The following SPATC1 variants were observed in gnomAD, a reference collection of about 807,000 sequenced individuals.
SPATC1 encodes the protein spermatogenesis and centriole associated 1, also known as speriolin.
In SPATC1, 35 loss-of-function variants were observed where a neutral mutation model predicts 36.5. That is an observed-to-expected ratio of 0.96 (90% CI 0.73 to 1.27). SPATC1 has a LOEUF of 1.27. SPATC1 is among the 50% of genes most tolerant of loss of function. The pLI, the probability that SPATC1 is intolerant of heterozygous loss-of-function variation, is 0.00. For missense variants in SPATC1, 779 were observed against 796.0 expected, an observed-to-expected ratio of 0.98 and a Z score of 0.26; for synonymous variants, 361 against 353.6, an observed-to-expected ratio of 1.02 and a Z score of -0.24.
intron 1 of SPATC1, among the ~76,000 whole-genome samples, chr8:144,019,170 C>T (rs1834454209): frequency 6.6e-6 from 1 of 151,932 alleles, no homozygotes; most frequent in Non-Finnish European, 1.5e-5. Context: ...AGCCATCAAT[C>T]TCCTGCCTTC....
At chr8:144,018,734 T>C (rs1448561809) in intron 1 of SPATC1, among the ~76,000 whole-genome samples, 4 of 151,042 alleles carry the variant, frequency 2.6e-5, no homozygotes, top group African/African-American at 9.7e-5. Flanking sequence ...AGGTCTGAAA[T>C]AGAGTAAAAA....
chr8:144,011,119 C>T (rs185902901), upstream of SPATC1, among the ~76,000 whole-genome samples: 6 of 152,048 alleles, frequency 3.9e-5, no homozygotes, highest in Admixed American at 2.0e-4. This position sits in a 1 kb window ranked among gnomAD's most constrained non-coding sequence, Gnocchi z 4.5. Context: ...AACACCTGGA[C>T]ACTATAGCCT....
chr8:144,040,142 CT>C lies in SPATC1; in HGVS notation c.446del (p.Leu149GlnfsTer17). The C allele has an allele frequency of 6.2e-7, 1 of 1,609,194 alleles. No homozygotes were observed. The highest frequency in any genetic ancestry group is 1.3e-5 in the African/African-American group (1 of 74,972). ...CCTGACCAGTCCCATTGCGGGACCC[CT>C]AACAGGCACACTGGCCAGTTCCCTG... ...SFLTSPIAGPLTGTLASSLGL... is the reference protein window; with the variant it reads ...SFLTSPIAGPXTGTLASSLGL... On this transcript the variant is annotated frameshift_variant, in exon 2 of 5. Transcript: ENST00000377470. LOFTEE classifies it high-confidence loss of function.
intron 4 of SPATC1, among the ~76,000 whole-genome samples, chr8:144,042,311 A>ATTTTTTT (rs1184651892): frequency 2.9e-4 from 7 of 23,882 alleles, no homozygotes; most frequent in Admixed American, 7.0e-4. Flanking sequence ...ATATATATAT[A>ATTTTTTT]TTTTTTTTTT....
rs1466917388 is a variant in SPATC1, at chr8:144,045,383, C to T, written c.1447-1244C>T. ...AGGTTGACGTCACATTAACCGGGCCCGGTCCTGAGTCCAGCCCCAAGACTG... is the reference window on the plus strand; with the variant it reads ...AGGTTGACGTCACATTAACCGGGCCTGGTCCTGAGTCCAGCCCCAAGACTG... On this transcript the variant is annotated intron_variant, in intron 4 of 4. Transcript: ENST00000377470. The surrounding 1 kb of genome is among the most constrained non-coding windows in gnomAD (Gnocchi z 5.2). Among the ~76,000 whole-genome samples, 1 of 152,212 alleles carries T rather than the reference C, an allele frequency of 6.6e-6. No homozygotes were observed. The highest frequency in any genetic ancestry group is 1.5e-5 in the Non-Finnish European group (1 of 68,042).
intron 4 of SPATC1, among the ~76,000 whole-genome samples, chr8:144,044,685 G>T (rs190931394): frequency 6.6e-6 from 1 of 151,592 alleles, no homozygotes; most frequent in South Asian, 2.1e-4. Flanking sequence ...GGTGGCTCAC[G>T]CCTGTCATCC....
intron 1 of SPATC1, among the ~76,000 whole-genome samples, chr8:144,033,136 C>T (rs972380804): frequency 6.0e-4 from 91 of 152,188 alleles, no homozygotes; most frequent in African/African-American, 2.1e-3. Flanking sequence ...TGGCTCACGC[C>T]TGTTATCCCA....
Position 144,046,998 on chromosome 8 carries a change from C to T in SPATC1, c.*42C>T, listed in dbSNP as rs782169020. 6.4e-7 allele frequency: 1 copy of T among 1,559,044 alleles called. No individual in the cohort carries two copies. Among genetic ancestry groups the T allele is most frequent in the South Asian group, 1.2e-5 (1 of 84,884 alleles). On this transcript the variant is annotated 3_prime_UTR_variant, in exon 5 of 5. Transcript: ENST00000377470. The surrounding 1 kb of genome is among the most constrained non-coding windows in gnomAD (Gnocchi z 6.6). ...TCCAGGCTCGCTCAGCCCCACAGCC[C>T]TGTGCACGGCCATTAAAGCTTCCCA...
rs368615976 is a variant in SPATC1, at chr8:144,037,357, C to A, written c.212-2552C>A. Among the ~76,000 whole-genome samples the A allele has an allele frequency of 2.7e-4, 41 of 151,594 alleles. No individual in the cohort carries two copies. The East Asian group carries it at 7.3e-3, about 27-fold the overall frequency. On this transcript the variant is annotated intron_variant, in intron 1 of 4. Transcript: ENST00000377470. ...TGAGAACGGGCCATGATGACAATGG[C>A]GGTTTTGAGGAATAGAAAGCGGGGA...
intron 4 of SPATC1, among the ~76,000 whole-genome samples, chr8:144,044,216 G>A (rs1276471063): frequency 2.0e-5 from 3 of 152,072 alleles, no homozygotes; most frequent in Admixed American, 6.6e-5. Context: ...GCAGAGAGAA[G>A]GTGGTACTGC....
At chr8:144,023,136 C>G (rs1455069882) in intron 1 of SPATC1, among the ~76,000 whole-genome samples, 1 of 104,868 alleles carries the variant, frequency 9.5e-6, no homozygotes, top group South Asian at 3.6e-4. Context: ...CCCTCTCCCC[C>G]CAGGACCCTC....
chr8:144,018,150 A>G (rs1834429844), intron 1 of SPATC1, among the ~76,000 whole-genome samples: 1 of 152,258 alleles, frequency 6.6e-6, no homozygotes, highest in South Asian at 2.1e-4. Flanking sequence ...ACAAAAGCCA[A>G]GAGACAGCTT....
intron 1 of SPATC1, among the ~76,000 whole-genome samples, chr8:144,027,692 T>C (rs1834712905): frequency 1.3e-5 from 2 of 152,138 alleles, no homozygotes; most frequent in African/African-American, 4.8e-5. Context: ...CACCATTTGT[T>C]AAAAAGATTA....
chr8:144,019,578 G>A (rs1394220633), intron 1 of SPATC1, among the ~76,000 whole-genome samples: 1 of 152,152 alleles, frequency 6.6e-6, no homozygotes, highest in Non-Finnish European at 1.5e-5. Context: ...TGCTCCTGAG[G>A]GCTCAGGGGC....
At chr8:144,020,517 T>TC (rs1389473532) in intron 1 of SPATC1, among the ~76,000 whole-genome samples, 4 of 145,962 alleles carry the variant, frequency 2.7e-5, no homozygotes, top group Admixed American at 2.7e-4. Flanking sequence ...CAGGACCCTC[T>TC]CCCCTCAGAA....
At position 144,040,592 on chromosome 8, in the gene SPATC1, A is replaced by T. The variant is rs781814417; in HGVS notation, c.791A>T (p.Gln264Leu). The T allele has an allele frequency of 1.3e-6, 2 of 1,588,398 alleles. No individual in the cohort carries two copies. The highest frequency in any genetic ancestry group is 1.1e-5 in the South Asian group (1 of 88,510). Residue 264 changes from glutamine to leucine, a missense_variant, in exon 3 of 5, where the codon CAG becomes CTG. Transcript: ENST00000377470. ...GTCCCACTCTCCACTGAGCCCCCCC[A>T]GTCGACCCAGGACCCAGAGCCTCTC... ...TKVPLSTEPP[Q>L]STQDPEPLSM...
At position 144,030,525 on chromosome 8, in the gene SPATC1, A is replaced by G. The variant is rs969789951; in HGVS notation, c.212-9384A>G. 9.9e-5 allele frequency among the ~76,000 whole-genome samples: 15 copies of G among 152,124 alleles called. No homozygotes were observed. The South Asian group carries it at 1.9e-3, about 19-fold the overall frequency. ...AGGCATCAGCCACCACGCCTGGCTAATATTTCTATTTTTAGTAGAGACTGG... is the reference window on the plus strand; with the variant it reads ...AGGCATCAGCCACCACGCCTGGCTAGTATTTCTATTTTTAGTAGAGACTGG... On this transcript the variant is annotated intron_variant, in intron 1 of 4. Transcript: ENST00000377470.
chr8:144,012,795 G>A (rs964271949), intron 1 of SPATC1, 69 bp downstream of exon 1: 2 of 1,505,476 alleles, frequency 1.3e-6, no homozygotes, highest in South Asian at 2.4e-5. Flanking sequence ...GAGACTCAGT[G>A]TGCTGAGGTC....
intron 4 of SPATC1, among the ~76,000 whole-genome samples, 198 bp downstream of exon 4, chr8:144,041,569 C>A (rs782530841): frequency 1.3e-5 from 2 of 152,188 alleles, no homozygotes; most frequent in African/African-American, 4.8e-5. Context: ...CAGAGGAAGG[C>A]GAGGTGGGGG....
Sources: gnomAD v4.1 joint callset for allele counts (sites outside exome capture counted in the v4.1 genomes callset) on GRCh38, gnomAD v4.1.1 for gene constraint, Gnocchi (gnomAD v3.1) non-coding constraint, MANE v1.5 for transcripts, NCBI Gene and HGNC (gene_info 2026-07-23, HGNC 2026-07-21) for gene names.